Variants in SAMM50 observed in about 807,000 individuals in gnomAD.
SAMM50 encodes the protein sorting and assembly machinery component 50 homolog.
In SAMM50, 47 loss-of-function variants were observed where a neutral mutation model predicts 66.9. That is an observed-to-expected ratio of 0.70 (90% confidence interval 0.56 to 0.90). The LOEUF is 0.90. Ranked by LOEUF, SAMM50 falls within the 40% of genes least tolerant of loss-of-function variation. The probability of loss-of-function intolerance (pLI) is 0.00; values close to 1 mark genes in which losing one functional copy is unlikely to be tolerated. For missense variants in SAMM50, 535 were observed against 595.3 expected (o/e 0.90, Z 1.05); for synonymous variants, 191 against 214.1 (o/e 0.89, Z 0.94).
intron 5 of SAMM50, 128 bp from the exon 6 acceptor site, chr22:43,972,743 C>T: frequency 2.3e-6 from 2 of 862,682 alleles, no homozygotes; most frequent in South Asian, 1.6e-5. Flanking sequence ...AAATGAAAGA[C>T]TAGATCTGTA....
At chr22:43,963,798 T>A (rs1041446651) in intron 2 of SAMM50, among the ~76,000 whole-genome samples, 31 of 152,222 alleles carry the variant, frequency 2.0e-4, no homozygotes, top group Non-Finnish European at 4.0e-4. Flanking sequence ...AAGAGTTTAC[T>A]CTCTAGCGAG....
chr22:43,971,943 C>T (rs562531438), intron 4 of SAMM50, among the ~76,000 whole-genome samples: 1 of 152,246 alleles, frequency 6.6e-6, no homozygotes, highest in South Asian at 2.1e-4. Flanking sequence ...AAGTGATCCT[C>T]CCACCTTGTC....
At chr22:43,981,922 A>G (rs2050266978) in intron 11 of SAMM50, among the ~76,000 whole-genome samples, 1 of 152,230 alleles carries the variant, frequency 6.6e-6, no homozygotes, top group African/African-American at 2.4e-5. Context: ...ATTGTAAATA[A>G]TAACTTTTAA....
intron 1 of SAMM50, among the ~76,000 whole-genome samples, chr22:43,956,246 G>T (rs1880253136): frequency 6.6e-6 from 1 of 152,184 alleles, no homozygotes; most frequent in African/African-American, 2.4e-5. Context: ...GCCAGATAAT[G>T]AGTTACTTCT....
rs542154349 is a variant in SAMM50, at chr22:43,989,813, A to C, written c.1223-452A>C. Among the ~76,000 whole-genome samples the C allele has an allele frequency of 1.5e-3, 222 of 152,308 alleles. 1 individual carries two copies. Among genetic ancestry groups the C allele is most frequent in the Non-Finnish European group, 2.2e-3 (152 of 68,020 alleles). On this transcript the variant is annotated intron_variant, in intron 13 of 14. Coordinates refer to ENST00000350028, the MANE Select transcript of SAMM50 (RefSeq NM_015380.5). ...CGAAGAAAAATCTGTTTGTCTATTT[A>C]ATAAACAAGTCATGATGGCCACAGA...
chr22:43,980,901 A>C (rs1244255633), intron 10 of SAMM50, among the ~76,000 whole-genome samples: 1 of 152,194 alleles, frequency 6.6e-6, no homozygotes, highest in Admixed American at 6.5e-5. Context: ...TGTAAGAGAC[A>C]AGGCTCTGTC....
chr22:43,961,607 A>G (rs1247685437), intron 1 of SAMM50, among the ~76,000 whole-genome samples: 1 of 151,978 alleles, frequency 6.6e-6, no homozygotes, highest in African/African-American at 2.4e-5. Flanking sequence ...ACACCACCAC[A>G]CCTGGCTAAG....
At position 43,955,512 on chromosome 22, in the gene SAMM50, G is replaced by C. The variant is rs1328474355; in HGVS notation, c.-66G>C. 3 of 1,557,024 alleles carry C rather than the reference G, an allele frequency of 1.9e-6. No homozygotes were observed. The highest frequency in any genetic ancestry group is 2.6e-6 in the Non-Finnish European group (3 of 1,148,368). ...CTCCGCCACCGCGGACCCGCCTTCTGCCCTCAGCAGCAGACGCTCTGTCCC... is the reference window on the plus strand; with the variant it reads ...CTCCGCCACCGCGGACCCGCCTTCTCCCCTCAGCAGCAGACGCTCTGTCCC... On this transcript the variant is annotated 5_prime_UTR_variant, in exon 1 of 15. Coordinates refer to ENST00000350028, the MANE Select transcript of SAMM50 (RefSeq NM_015380.5).
chr22:43,990,512 T>A, intron 14 of SAMM50, 106 bp downstream of exon 14: 1 of 1,150,476 alleles, frequency 8.7e-7, no homozygotes, highest in Non-Finnish European at 1.3e-6. Flanking sequence ...TTGAAGATTT[T>A]AAGAGAATTA....
chr22:43,969,886 A>G (rs1014923477), intron 4 of SAMM50, among the ~76,000 whole-genome samples: 2 of 152,202 alleles, frequency 1.3e-5, no homozygotes, highest in Non-Finnish European at 2.9e-5. Context: ...ATGGCGCGGT[A>G]GAGTTCCCAC....
chr22:43,961,317 T>A (rs946383778), intron 1 of SAMM50, among the ~76,000 whole-genome samples: 4 of 152,196 alleles, frequency 2.6e-5, no homozygotes, highest in African/African-American at 9.7e-5. Context: ...CTCTAAGAGG[T>A]GACTGGGAAT....
At chr22:43,977,403 C>T (rs1603419484) in intron 9 of SAMM50, among the ~76,000 whole-genome samples, 1 of 152,328 alleles carries the variant, frequency 6.6e-6, no homozygotes, top group South Asian at 2.1e-4. Flanking sequence ...CTTGAGGCTT[C>T]CCCGAGCAGC....
intron 3 of SAMM50, among the ~76,000 whole-genome samples, chr22:43,968,226 CAAAAAAAAAAAAAAA>C (rs66961907): frequency 0.032 from 2,208 of 68,800 alleles, 72 homozygotes; most frequent in African/African-American, 0.11. Flanking sequence ...AACTCTGTCT[CAAAAAAAAAAAAAAA>C]AAAAAAGAAA....
intron 7 of SAMM50, among the ~76,000 whole-genome samples, chr22:43,973,702 CT>C (rs1569029227): frequency 6.6e-6 from 1 of 152,194 alleles, no homozygotes; most frequent in East Asian, 1.9e-4. Context: ...ATGGCACGAT[CT>C]CGGCTCACTG....
Position 43,956,979 on chromosome 22 carries a change from C to T in SAMM50, c.21+1381C>T, listed in dbSNP as rs2050122752. 6 of 651,048 alleles carry T rather than the reference C, an allele frequency of 9.2e-6. No homozygotes were observed. The East Asian group carries it at 1.7e-4, about 18-fold the overall frequency. The allele number at this position is 651,048 out of a possible 1,614,324, so 40.3% of individuals were successfully genotyped here. A position where few individuals can be genotyped will look rare whatever the true frequency, so the allele number is the denominator to read the frequency against. ...GTGCAACCTGAGCTCTTCCTGCCAT[C>T]TTGGCTCCTGTGGCGGCCTGCCGGG... On this transcript the variant is annotated intron_variant, in intron 1 of 14. Coordinates refer to ENST00000350028, the MANE Select transcript of SAMM50 (RefSeq NM_015380.5).
At chr22:43,966,600 C>T (rs1367153141) in intron 3 of SAMM50, among the ~76,000 whole-genome samples, 1 of 152,190 alleles carries the variant, frequency 6.6e-6, no homozygotes, top group South Asian at 2.1e-4. Flanking sequence ...AGGTAATCCA[C>T]CTGCCTCGGC....
chr22:43,996,338 G>T lies in SAMM50; in HGVS notation c.1365G>T (p.Arg455Ser), dbSNP rs1289155925. ...CATCTGATCTCTCCCCTTTTTTTAG[G>T]ATATGTGATGGCGTCCAGTTTGGAG... Reference protein sequence around the residue: ...CVPMGVQTGDRICDGVQFGAG... With the variant: ...CVPMGVQTGDSICDGVQFGAG... Residue 455 changes from arginine to serine, a missense_variant and splice_region_variant, in exon 15 of 15, where the codon AGG becomes AGT. Coordinates refer to ENST00000350028, the MANE Select transcript of SAMM50 (RefSeq NM_015380.5). The T allele has an allele frequency of 2.5e-6, 4 of 1,614,090 alleles. No homozygotes were observed. Among genetic ancestry groups the T allele is most frequent in the Non-Finnish European group, 3.4e-6 (4 of 1,179,984 alleles).
intron 4 of SAMM50, 112 bp from the exon 5 acceptor site, chr22:43,972,124 G>A (rs972653954): frequency 3.4e-6 from 2 of 588,166 alleles, no homozygotes; most frequent in African/African-American, 3.8e-5. Context: ...TTTTCTAAAG[G>A]AGATTGTAAA....
intron 4 of SAMM50, among the ~76,000 whole-genome samples, chr22:43,970,363 C>T (rs1327723474): frequency 4.6e-5 from 7 of 152,138 alleles, no homozygotes; most frequent in African/African-American, 1.4e-4. Flanking sequence ...AGTTTCCCCC[C>T]GTGGTGTCTT....
Sources: gnomAD v4.1 joint callset for allele counts (sites outside exome capture counted in the v4.1 genomes callset) on GRCh38, gnomAD v4.1.1 for gene constraint, MANE v1.5 for transcripts, NCBI Gene and HGNC (gene_info 2026-07-23, HGNC 2026-07-21) for gene names.